Variants in FAT1 observed in about 807,000 individuals in gnomAD.
FAT1 encodes the protein FAT atypical cadherin 1.
FAT1 carries 171 observed loss-of-function variants against 329.8 expected under a neutral mutation model. The observed-to-expected ratio is 0.52, with a 90% CI of 0.46 to 0.59. The LOEUF is 0.59. Ranked by LOEUF, FAT1 falls within the 20% of genes least tolerant of loss-of-function variation. The pLI is 0.00. For missense variants in FAT1, 5,672 were observed against 5,774.4 expected, an observed-to-expected ratio of 0.98 and a Z score of 0.57; for synonymous variants, 2,233 against 2,228.6, an observed-to-expected ratio of 1.00 and a Z score of -0.06.
At position 186,652,802 on chromosome 4, in the gene FAT1, T is replaced by C. The variant is rs542003694; in HGVS notation, c.3580+10497A>G. On this transcript the variant is annotated intron_variant, in intron 3 of 26. Transcript: ENST00000441802. Reference sequence around the variant, plus strand: ...CCAGCCACAATAAAATGCCATTTACTCTGGTTCAGAAAAAAATAGTTGTAA... The same window carrying C: ...CCAGCCACAATAAAATGCCATTTACCCTGGTTCAGAAAAAAATAGTTGTAA... 2.6e-5 allele frequency among the ~76,000 whole-genome samples: 4 copies of C among 152,274 alleles called. No individual in the cohort carries two copies. The South Asian group carries it at 8.3e-4, about 32-fold the overall frequency.
At chr4:186,712,627 G>A (rs1180839636) in intron 1 of FAT1, among the ~76,000 whole-genome samples, 1 of 152,172 alleles carries the variant, frequency 6.6e-6, no homozygotes, top group Non-Finnish European at 1.5e-5. Context: ...GGCAAAGAGA[G>A]ACCAGGGTCA....
Position 186,614,204 on chromosome 4 carries a change from T to C in FAT1, c.9216A>G (p.Leu3072=), listed in dbSNP as rs1304228248. 1 of 1,599,852 alleles carries C rather than the reference T, an allele frequency of 6.3e-7. No homozygotes were observed. Among genetic ancestry groups the C allele is most frequent in the Non-Finnish European group, 8.5e-7 (1 of 1,175,822 alleles). Reference sequence around the variant, plus strand: ...CTCCATCATTACCTGTGTCTGGATTTAGTTTGAATTTTTCTGCACCTGAAC... The same window carrying C: ...CTCCATCATTACCTGTGTCTGGATTCAGTTTGAATTTTTCTGCACCTGAAC... The part of the protein sequence containing the change: ...LLGSGAEKFK[L]NPDTGELKTS... Residue 3072 remains leucine (L), a synonymous_variant, in exon 12 of 27, where the codon CTA becomes CTG. Transcript: ENST00000441802.
rs760747643 is a variant in FAT1 at position 186,597,102 on chromosome 4, G to A, written c.12438C>T (p.His4146=). 40 of 1,613,978 alleles carry A rather than the reference G, an allele frequency of 2.5e-5. No individual in the cohort carries two copies. Among genetic ancestry groups the A allele is most frequent in the South Asian group, 2.1e-4 (19 of 91,080 alleles). The change falls in exon 25 of 27, where the codon CAC becomes CAT. Residue 4146 remains histidine, a synonymous_variant. Coordinates refer to ENST00000441802, the MANE Select transcript of FAT1 (RefSeq NM_005245.4). ...CLHGALCENT[H]GSYHCNCSHE... is the part of the protein sequence containing the mutation. ...GGCTGCAGTTGCAGTGATAGGAGCC[G>A]TGCGTGTTCTCACAGAGGGCCCCGT...
chr4:186,640,462 CTG>C (rs1741038723), intron 3 of FAT1, among the ~76,000 whole-genome samples: 1 of 152,068 alleles, frequency 6.6e-6, no homozygotes, highest in African/African-American at 2.4e-5. Flanking sequence ...CAAGAGATAA[CTG>C]AGAGTTGACA....
chr4:186,708,089 C>A lies in FAT1; in HGVS notation c.1739G>T (p.Arg580Ile), dbSNP rs146987028. ...EKINCEGTIP[R>I]DLGVGEQITT... is the part of the protein sequence containing the mutation. ...TATTTGCTCTCCCACGCCTAGATCT[C>A]TGGGAATTGTCCCTTCACAATTTAT... The change falls in exon 2 of 27, where the codon AGA becomes ATA. Residue 580 changes from arginine to isoleucine, a missense_variant. Arg to Ile is a moderately conservative substitution (Grantham distance 97, BLOSUM62 -3). This residue lies in a region of FAT1 where 3,966 missense variants were observed against 3,915.2 expected (regional missense o/e 1.01). Coordinates refer to ENST00000441802, the MANE Select transcript of FAT1 (RefSeq NM_005245.4). 478 of 1,613,972 alleles carry A rather than the reference C, an allele frequency of 3.0e-4. 2 individuals carry two copies. The highest frequency in any genetic ancestry group is 3.9e-4 in the Non-Finnish European group (459 of 1,179,878).
chr4:186,618,541 G>C lies in FAT1; in HGVS notation c.8045C>G (p.Ser2682Ter), dbSNP rs1739843777. 1 of 1,613,892 alleles carries C rather than the reference G, an allele frequency of 6.2e-7. No individual in the cohort carries two copies. The highest frequency in any genetic ancestry group is 8.5e-7 in the Non-Finnish European group (1 of 1,179,892). The change falls in exon 10 of 27, where the codon TCA becomes TGA. Residue 2682 changes from serine to a stop codon, truncating the protein, a stop_gained. Transcript: ENST00000441802. LOFTEE classifies it high-confidence loss of function. The stretch of plus-strand genomic sequence containing the variant: ...ATAGACAAGAACAACAGATTCTTTT[G>C]ATGGAGACCCATTATCCACAGCTCT... ...FVRAVDNGSPSKESVVLVYVK... is the reference protein window; with the variant it reads ...FVRAVDNGSP
intron 7 of FAT1, among the ~76,000 whole-genome samples, chr4:186,633,103 C>T (rs562346072): frequency 2.2e-4 from 33 of 152,156 alleles, no homozygotes; most frequent in Middle Eastern, 3.4e-3. Flanking sequence ...ACACTCCAAA[C>T]GGCCCACACT....
rs568632380 is a variant in FAT1, at chr4:186,673,146, T to G, written c.3266-9533A>C. ...AATTTTTTAAACACACATACACAAT[T>G]ATATGTGCAGAGAAAAAAGGTCTGA... is the stretch of plus-strand genomic sequence containing the variant. On this transcript the variant is annotated intron_variant, in intron 2 of 26. Transcript: ENST00000441802. Among the ~76,000 whole-genome samples, 10 of 152,240 alleles carry G rather than the reference T, an allele frequency of 6.6e-5. No individual in the cohort carries two copies. The South Asian group carries it at 1.9e-3, about 28-fold the overall frequency.
chr4:186,719,730 G>C (rs1482972475), intron 1 of FAT1, among the ~76,000 whole-genome samples: 1 of 152,168 alleles, frequency 6.6e-6, no homozygotes, highest in Admixed American at 6.5e-5. Context: ...ACAGCCTCCT[G>C]GCTCTCAAAC....
intron 3 of FAT1, among the ~76,000 whole-genome samples, chr4:186,652,643 T>A (rs973753615): frequency 1.3e-5 from 2 of 152,190 alleles, no homozygotes; most frequent in African/African-American, 2.4e-5. Context: ...AATTTTTTTT[T>A]AAATGAATTC....
chr4:186,677,255 C>T (rs1743003137), intron 2 of FAT1, among the ~76,000 whole-genome samples: 1 of 152,144 alleles, frequency 6.6e-6, no homozygotes, highest in Non-Finnish European at 1.5e-5. Context: ...AACTCAGAAG[C>T]TTAAGTTAGG....
In FAT1 at chr4:186,613,169, A is replaced by T. The variant is rs1739534901; in HGVS notation, c.9403T>A (p.Phe3135Ile). 1 of 1,613,816 alleles carries T rather than the reference A, an allele frequency of 6.2e-7. No homozygotes were observed. Among genetic ancestry groups the T allele is most frequent in the Non-Finnish European group, 8.5e-7 (1 of 1,179,890 alleles). Residue 3135 changes from phenylalanine to isoleucine, a missense_variant, in exon 13 of 27, where the codon TTT (phenylalanine) becomes ATT (isoleucine). Coordinates refer to ENST00000441802, the MANE Select transcript of FAT1 (RefSeq NM_005245.4). ...AGCGTTCCCGGCTCTGTGTTTTCAA[A>T]CACGGTGATGGCATAAGGATCGGCA... is the stretch of plus-strand genomic sequence containing the variant. Reference protein sequence around the residue: ...FSADPYAITVFENTEPGTLLT... With the variant: ...FSADPYAITVIENTEPGTLLT...
At chr4:186,669,718 A>G (rs1308809577) in intron 2 of FAT1, among the ~76,000 whole-genome samples, 2 of 152,212 alleles carry the variant, frequency 1.3e-5, no homozygotes, top group African/African-American at 4.8e-5. Context: ...AAAAGAGCTT[A>G]ACCAAGATAG....
chr4:186,712,356 A>C (rs1480146281), intron 1 of FAT1, among the ~76,000 whole-genome samples: 1 of 138,650 alleles, frequency 7.2e-6, no homozygotes, highest in Non-Finnish European at 1.5e-5. Context: ...ATTTTTCTCT[A>C]CTGTGGTTTT....
At chr4:186,633,143 C>T (rs1740667185) in intron 7 of FAT1, among the ~76,000 whole-genome samples, 2 of 152,170 alleles carry the variant, frequency 1.3e-5, no homozygotes, top group South Asian at 4.2e-4. Flanking sequence ...TAAGAAAGAA[C>T]AGAATTTAAA....
At chr4:186,614,733 T>A (rs1204589348) in intron 11 of FAT1, among the ~76,000 whole-genome samples, 2 of 152,236 alleles carry the variant, frequency 1.3e-5, no homozygotes, top group Non-Finnish European at 2.9e-5. Flanking sequence ...TCATATCTGC[T>A]CATTTCCAAA....
In FAT1 at chr4:186,708,665, A is replaced by G. The variant is rs1194996507; in HGVS notation, c.1163T>C (p.Met388Thr). 1.2e-6 allele frequency: 2 copies of G among 1,613,938 alleles called. No homozygotes were observed. Among genetic ancestry groups the G allele is most frequent in the Non-Finnish European group, 1.7e-6 (2 of 1,179,900 alleles). The change falls in exon 2 of 27, where the codon ATG becomes ACG. Residue 388 changes from methionine to threonine, a missense_variant. Transcript: ENST00000441802. ...EFAPPNTPVV[M>T]VKAIPAYSHL... Reference sequence around the variant, plus strand: ...GGAATAAGCAGGAATGGCCTTTACCATGACCACAGGTGTGTTGGGAGGAGC... The same window carrying G: ...GGAATAAGCAGGAATGGCCTTTACCGTGACCACAGGTGTGTTGGGAGGAGC...
At chr4:186,710,853 C>A (rs114711684) in intron 1 of FAT1, among the ~76,000 whole-genome samples, 1 of 152,082 alleles carries the variant, frequency 6.6e-6, no homozygotes, top group African/African-American at 2.4e-5. Context: ...GGGTGACTGG[C>A]GGAGAAAAGA....
intron 5 of FAT1, 92 bp from the exon 6 acceptor site, chr4:186,636,327 G>A (rs1418111427): frequency 8.4e-7 from 1 of 1,196,612 alleles, no homozygotes; most frequent in East Asian, 2.4e-5. Flanking sequence ...GTCTTAAACT[G>A]AGCCAATTTC....
Sources: gnomAD v4.1 joint callset for allele counts (sites outside exome capture counted in the v4.1 genomes callset) on GRCh38, gnomAD v4.1.1 for gene constraint, gnomAD v4.1.1 regional missense constraint, MANE v1.5 for transcripts, NCBI Gene and HGNC (gene_info 2026-07-23, HGNC 2026-07-21) for gene names.